Variants in VPS13B observed in about 807,000 individuals in gnomAD.
VPS13B encodes intermembrane lipid transfer protein VPS13B.
Under a neutral mutation model 426.4 loss-of-function variants are expected in VPS13B, and 285 were observed. The ratio of observed to expected loss-of-function variants is 0.67; its 90% confidence interval spans 0.61 to 0.74. The LOEUF is 0.74. Among genes scored for constraint, VPS13B ranks in the 30% least tolerant of loss-of-function variants. The probability of loss-of-function intolerance (pLI) is 0.00; values close to 1 mark genes in which losing one functional copy is unlikely to be tolerated. For synonymous variants in VPS13B, 1,676 were observed against 1,676.4 expected, an observed-to-expected ratio of 1.00 and a Z score of 0.01; for missense variants, 4,537 against 4,782.6, an observed-to-expected ratio of 0.95 and a Z score of 1.51.
At chr8:99,233,073 T>C in intron 17 of VPS13B, 2 of 1,327,920 alleles carry the variant, frequency 1.5e-6, no homozygotes, top group Non-Finnish European at 2.2e-6. Context: ...GTGAGGCGAC[T>C]CCCTGAGGGT....
intron 21 of VPS13B, among the ~76,000 whole-genome samples, chr8:99,415,041 A>G (rs1183742993): frequency 6.6e-6 from 1 of 152,118 alleles, no homozygotes; most frequent in Non-Finnish European, 1.5e-5. Flanking sequence ...TTTCAGGTAC[A>G]CCAATCAAAT....
At chr8:99,584,382 G>C (rs1423504287) in intron 33 of VPS13B, among the ~76,000 whole-genome samples, 1 of 152,140 alleles carries the variant, frequency 6.6e-6, no homozygotes, top group Non-Finnish European at 1.5e-5. Flanking sequence ...CAGCCCCCAT[G>C]ATGTTTATCC....
intron 17 of VPS13B, among the ~76,000 whole-genome samples, chr8:99,193,535 C>A (rs1213939099): frequency 1.3e-5 from 2 of 152,008 alleles, no homozygotes; most frequent in African/African-American, 2.4e-5. Flanking sequence ...GCTTTCATAT[C>A]ACTATAAGAG....
At chr8:99,801,923 G>T (rs1486952641) in intron 43 of VPS13B, among the ~76,000 whole-genome samples, 1 of 152,102 alleles carries the variant, frequency 6.6e-6, no homozygotes, top group East Asian at 1.9e-4. Flanking sequence ...GCAAAGGTGG[G>T]CAGATTGCTT....
rs555696548 is a variant in VPS13B at position 99,061,300 on chromosome 8, T to C, written c.291+22734T>C. Among the ~76,000 whole-genome samples the C allele has an allele frequency of 2.3e-4, 34 of 149,658 alleles. 1 individual carries two copies. The South Asian group carries it at 3.8e-3, about 17-fold the overall frequency. On this transcript the variant is annotated intron_variant, in intron 3 of 61. Coordinates refer to ENST00000357162, the MANE Select transcript of VPS13B (RefSeq NM_152564.5). ...TGATTAGATGCTGCTAATTTTCTTT[T>C]TTTTTTTTTTTTTTGAACTTGTTCA...
rs541729338 is a variant in VPS13B at position 99,852,242 on chromosome 8, A to C, written c.10062-1209A>C. Among the ~76,000 whole-genome samples, 7 of 152,372 alleles carry C rather than the reference A, an allele frequency of 4.6e-5. 1 individual carries two copies. The East Asian group carries it at 1.2e-3, about 25-fold the overall frequency. ...TATAGACATGATAAGCTGAGATGTC[A>C]TTTAGACATCTAAGTGACTGTGTGG... On this transcript the variant is annotated intron_variant, in intron 55 of 61. Transcript: ENST00000357162.
chr8:99,860,604 G>A (rs761427877), intron 57 of VPS13B, among the ~76,000 whole-genome samples: 1 of 152,164 alleles, frequency 6.6e-6, no homozygotes, highest in Non-Finnish European at 1.5e-5. Context: ...CTATGTGTGT[G>A]CGCACACAGA....
chr8:99,331,690 C>T (rs943990409), intron 19 of VPS13B, among the ~76,000 whole-genome samples: 2 of 151,444 alleles, frequency 1.3e-5, no homozygotes, highest in African/African-American at 2.4e-5. Flanking sequence ...CTTCTTAGTA[C>T]GTTTTGACTT....
intron 54 of VPS13B, among the ~76,000 whole-genome samples, chr8:99,846,160 A>G (rs1815971948): frequency 6.6e-6 from 1 of 152,224 alleles, no homozygotes; most frequent in South Asian, 2.1e-4. Context: ...AGTACCCGGC[A>G]CTGGTTGTAA....
intron 17 of VPS13B, among the ~76,000 whole-genome samples, chr8:99,232,878 C>T (rs1014518585): frequency 4.6e-5 from 7 of 152,160 alleles, no homozygotes; most frequent in Non-Finnish European, 1.0e-4. Flanking sequence ...GCCTCCTTGG[C>T]CCCTGGGATT....
intron 2 of VPS13B, among the ~76,000 whole-genome samples, chr8:99,021,553 G>A (rs78627844): frequency 1.4e-4 from 22 of 151,922 alleles, no homozygotes; most frequent in African/African-American, 3.1e-4. Flanking sequence ...CCCAGGAGGC[G>A]GAGGTTGCAG....
chr8:99,457,360 G>A (rs1379474059), intron 23 of VPS13B, among the ~76,000 whole-genome samples: 2 of 152,094 alleles, frequency 1.3e-5, no homozygotes, highest in African/African-American at 4.8e-5. Context: ...AGACAGTTAT[G>A]TATTCATCTT....
intron 2 of VPS13B, among the ~76,000 whole-genome samples, chr8:99,037,644 AT>A (rs1015451047): frequency 7.2e-5 from 11 of 152,034 alleles, no homozygotes; most frequent in African/African-American, 2.4e-4. Flanking sequence ...ATAGAAATAC[AT>A]TTTTTTCTTC....
rs553154401 is a variant in VPS13B at position 99,052,956 on chromosome 8, A to G, written c.291+14390A>G. On this transcript the variant is annotated intron_variant, in intron 3 of 61. Transcript: ENST00000357162. ...TATTACTCTTGCTAGCGGTCTATCA[A>G]TTTTGTTGATCTTTTCAAAACACCA... Among the ~76,000 whole-genome samples, 81 of 151,660 alleles carry G rather than the reference A, an allele frequency of 5.3e-4. No individual in the cohort carries two copies. The East Asian group carries it at 0.012, about 22-fold the overall frequency.
At chr8:99,394,486 T>C (rs565614712) in intron 21 of VPS13B, among the ~76,000 whole-genome samples, 16 of 152,310 alleles carry the variant, frequency 1.1e-4, no homozygotes, top group Admixed American at 4.6e-4. Flanking sequence ...TTCAATGATA[T>C]AGTCATGTAG....
At chr8:99,744,546 A>G (rs1809964259) in intron 39 of VPS13B, among the ~76,000 whole-genome samples, 1 of 152,194 alleles carries the variant, frequency 6.6e-6, no homozygotes, top group Non-Finnish European at 1.5e-5. Flanking sequence ...CACTATTCAC[A>G]ATAGCAAAGA....
At chr8:99,741,809 G>T (rs1435285079) in intron 39 of VPS13B, among the ~76,000 whole-genome samples, 1 of 151,992 alleles carries the variant, frequency 6.6e-6, no homozygotes, top group Non-Finnish European at 1.5e-5. Flanking sequence ...AGAATCTCTG[G>T]GACACATTCA....
At chr8:99,269,167 G>C (rs947695252) in intron 17 of VPS13B, among the ~76,000 whole-genome samples, 1 of 152,078 alleles carries the variant, frequency 6.6e-6, no homozygotes, top group African/African-American at 2.4e-5. Flanking sequence ...CTTTATAGCA[G>C]CATGAGGATG....
chr8:99,576,133 A>C (rs572352077), intron 32 of VPS13B, among the ~76,000 whole-genome samples: 5 of 152,278 alleles, frequency 3.3e-5, no homozygotes, highest in South Asian at 2.1e-4. Context: ...GATTGTCATA[A>C]GGTTCAAACT....
Sources: gnomAD v4.1 joint callset for allele counts (sites outside exome capture counted in the v4.1 genomes callset) on GRCh38, gnomAD v4.1.1 for gene constraint, MANE v1.5 for transcripts, NCBI Gene and HGNC (gene_info 2026-07-23, HGNC 2026-07-21) for gene names.